PCDHA6: variants seen among roughly 807,000 people sequenced by gnomAD.
PCDHA6 encodes the protein protocadherin alpha 6, also known as protocadherin alpha-6.
Under a neutral mutation model 60.3 loss-of-function variants are expected in PCDHA6, and 55 were observed. The observed-to-expected ratio is 0.91, with a 90% CI of 0.73 to 1.14. The LOEUF is 1.14. Ranked by LOEUF, PCDHA6 falls within the 50% of genes most tolerant of loss-of-function variation. The pLI is 0.00. For missense variants in PCDHA6, 1,327 were observed against 1,256.5 expected (o/e 1.06, Z -0.85); for synonymous variants, 652 against 557.9 (o/e 1.17, Z -2.38).
intron 1 of PCDHA6, chr5:140,877,865 T>C (rs1554170196): frequency 1.3e-6 from 2 of 1,496,610 alleles, no homozygotes; most frequent in South Asian, 2.8e-5. Flanking sequence ...TATTTAGATA[T>C]ATTTGTTTCC....
intron 1 of PCDHA6, chr5:140,968,796 C>G (rs2096270881): frequency 6.2e-7 from 1 of 1,614,220 alleles, no homozygotes; most frequent in East Asian, 2.2e-5. Context: ...GTGGCCATTA[C>G]AGTAGCTGTG....
chr5:140,882,868 G>A (rs1283664390), intron 1 of PCDHA6: 25 of 1,614,184 alleles, frequency 1.5e-5, no homozygotes, highest in Middle Eastern at 1.6e-4. Context: ...GGAAAACACT[G>A]GACAGAGAGG....
At chr5:140,899,250 G>A (rs1232558400) in intron 1 of PCDHA6, among the ~76,000 whole-genome samples, 1 of 152,118 alleles carries the variant, frequency 6.6e-6, no homozygotes, top group African/African-American at 2.4e-5. Flanking sequence ...GGTGAGAGAG[G>A]GCATCCCTGT....
intron 1 of PCDHA6, among the ~76,000 whole-genome samples, chr5:140,958,853 G>T (rs897789588): frequency 1.3e-5 from 2 of 151,804 alleles, no homozygotes; most frequent in Non-Finnish European, 2.9e-5. Context: ...AGTGTCTTTG[G>T]TTTACTGGGT....
chr5:140,994,156 C>T (rs926993777), intron 3 of PCDHA6, among the ~76,000 whole-genome samples: 25 of 152,124 alleles, frequency 1.6e-4, no homozygotes, highest in African/African-American at 4.1e-4. Context: ...GTAGGGTCAA[C>T]GAAGGGGAAG....
chr5:140,967,340 C>G, intron 1 of PCDHA6: 1 of 1,607,862 alleles, frequency 6.2e-7, no homozygotes. Flanking sequence ...CCCCAGCGAG[C>G]ACTTCGAGCT....
Position 140,828,767 on chromosome 5 carries a change from G to A in PCDHA6, c.676G>A (p.Val226Ile). Residue 226 changes from valine to isoleucine, a missense_variant, in exon 1 of 4, where the codon GTT becomes ATT. By Grantham distance (29) the Val-to-Ile change is conservative. Coordinates refer to ENST00000529310, the MANE Select transcript of PCDHA6 (RefSeq NM_018909.4). ...GGGCAAACCTGAGCTCACAGGCACT[G>A]TTCAGCTGCTGGTCACAGTGCTGGA... ...DGGKPELTGT[V>I]QLLVTVLDVN... is the part of the protein sequence containing the mutation. The A allele has an allele frequency of 6.2e-7, 1 of 1,614,200 alleles. No individual in the cohort carries two copies. Among genetic ancestry groups the A allele is most frequent in the Non-Finnish European group, 8.5e-7 (1 of 1,180,010 alleles).
chr5:140,875,610 C>T (rs1266412721), intron 1 of PCDHA6: 6 of 1,613,716 alleles, frequency 3.7e-6, no homozygotes, highest in African/African-American at 1.3e-5. Flanking sequence ...CCTTCGTGGG[C>T]CGCATCGCTC....
chr5:140,868,853 G>C, intron 1 of PCDHA6: 1 of 466,576 alleles, frequency 2.1e-6, no homozygotes, highest in Non-Finnish European at 3.6e-6. Flanking sequence ...AAATTCTGTG[G>C]TGGTAAATGC....
intron 1 of PCDHA6, chr5:140,876,681 T>C: frequency 2.5e-6 from 4 of 1,614,180 alleles, no homozygotes; most frequent in South Asian, 1.1e-5. Flanking sequence ...CCTACAAGAA[T>C]TACTACTCGT....
chr5:140,877,949 A>G (rs1554170233), intron 1 of PCDHA6: 1 of 1,348,792 alleles, frequency 7.4e-7, no homozygotes, highest in East Asian at 2.6e-5. Flanking sequence ...AAACTATCGA[A>G]TGTCTCATCT....
intron 1 of PCDHA6, chr5:140,851,387 TA>T: frequency 2.1e-6 from 2 of 974,684 alleles, no homozygotes; most frequent in Non-Finnish European, 2.5e-6. Context: ...CAACCTTCAG[TA>T]TCTATTATTT....
intron 1 of PCDHA6, chr5:140,858,577 A>T: frequency 7.4e-7 from 1 of 1,352,316 alleles, no homozygotes; most frequent in Non-Finnish European, 1.0e-6. Context: ...ATACCTTTGT[A>T]ATATAATTTA....
At position 140,845,521 on chromosome 5, in the gene PCDHA6, A is replaced by G. The variant is rs1275261867; in HGVS notation, c.2394+15036A>G. Among the ~76,000 whole-genome samples, 5 of 149,702 alleles carry G rather than the reference A, an allele frequency of 3.3e-5. No homozygotes were observed. In the East Asian group the frequency reaches 9.7e-4, roughly 29 times the overall value. ...GTCTAAACCTATTTCTTGTACATTA[A>G]TACTTTTCACTATTCTAATTATGGT... On this transcript the variant is annotated intron_variant, in intron 1 of 3. Transcript: ENST00000529310.
intron 1 of PCDHA6, chr5:140,968,939 A>G: frequency 6.2e-7 from 1 of 1,614,164 alleles, no homozygotes; most frequent in South Asian, 1.1e-5. Flanking sequence ...GACAATCATC[A>G]TTTTGAGCAT....
intron 3 of PCDHA6, among the ~76,000 whole-genome samples, chr5:141,006,446 C>T (rs2098274720): frequency 1.3e-5 from 2 of 152,066 alleles, no homozygotes; most frequent in South Asian, 4.1e-4. Flanking sequence ...ATCTCCTGAC[C>T]TCGAGATCTG....
At chr5:140,927,226 A>T in intron 1 of PCDHA6, 5 of 1,613,996 alleles carry the variant, frequency 3.1e-6, no homozygotes, top group Non-Finnish European at 4.2e-6. Context: ...CAAGATTCGG[A>T]TTCACGTCCT....
At chr5:140,943,136 T>A (rs1554215378) in intron 1 of PCDHA6, among the ~76,000 whole-genome samples, 1 of 151,240 alleles carries the variant, frequency 6.6e-6, no homozygotes, top group Non-Finnish European at 1.5e-5. Flanking sequence ...TGGGTGCCTG[T>A]AGTCCCAGCT....
At chr5:140,999,476 A>G (rs1209910607) in intron 3 of PCDHA6, among the ~76,000 whole-genome samples, 6 of 152,124 alleles carry the variant, frequency 3.9e-5, no homozygotes, top group African/African-American at 1.2e-4. Flanking sequence ...GCAGATTCCA[A>G]CTCAAGTCTA....
Sources: allele counts gnomAD v4.1 joint callset (sites outside exome capture counted in the v4.1 genomes callset), GRCh38; gene constraint gnomAD v4.1.1; transcripts MANE v1.5; gene names NCBI Gene and HGNC (gene_info 2026-07-23, HGNC 2026-07-21).